Variants in CABLES1 observed in about 807,000 individuals in gnomAD.
The protein encoded by CABLES1 is CDK5 and ABL1 enzyme substrate 1.
CABLES1 carries 36 observed loss-of-function variants against 57.8 expected under a neutral mutation model. That is an observed-to-expected ratio of 0.62 (90% confidence interval 0.48 to 0.82). The LOEUF is 0.82. CABLES1 is among the 40% of genes least tolerant of loss of function. The pLI is 0.00. For synonymous variants in CABLES1, 374 were observed against 363.0 expected (o/e 1.03, Z -0.35); for missense variants, 767 against 836.6 (o/e 0.92, Z 1.03).
intron 4 of CABLES1, among the ~76,000 whole-genome samples, chr18:23,230,119 A>G (rs1215479465): frequency 6.6e-6 from 1 of 152,220 alleles, no homozygotes; most frequent in Non-Finnish European, 1.5e-5. Flanking sequence ...CACACCTGTA[A>G]TCCCAGCACT....
intron 9 of CABLES1, among the ~76,000 whole-genome samples, chr18:23,255,557 ATT>A (rs397858640): frequency 8.2e-4 from 109 of 132,436 alleles, no homozygotes; most frequent in African/African-American, 9.0e-4. Flanking sequence ...TGAACTAATG[ATT>A]TTTTTTTTTT....
intron 4 of CABLES1, among the ~76,000 whole-genome samples, chr18:23,231,293 A>C (rs2047565771): frequency 1.3e-5 from 2 of 152,254 alleles, no homozygotes; most frequent in Admixed American, 1.3e-4. Flanking sequence ...AATTAATTAA[A>C]ATTAAATAAA....
At chr18:23,152,769 G>A (rs1488588817) in intron 1 of CABLES1, among the ~76,000 whole-genome samples, 1 of 151,926 alleles carries the variant, frequency 6.6e-6, no homozygotes. Flanking sequence ...ATAGGCTCGA[G>A]CCACCATGCC....
intron 1 of CABLES1, among the ~76,000 whole-genome samples, chr18:23,153,600 G>T (rs1327555312): frequency 6.6e-6 from 1 of 152,022 alleles, no homozygotes; most frequent in Non-Finnish European, 1.5e-5. Flanking sequence ...CAGGCGTGGT[G>T]ACACATACCT....
chr18:23,184,276 T>C (rs1204458394), intron 1 of CABLES1, among the ~76,000 whole-genome samples: 1 of 151,974 alleles, frequency 6.6e-6, no homozygotes, highest in Non-Finnish European at 1.5e-5. Flanking sequence ...GAAGTGCCCA[T>C]GCGTGCTAAT....
chr18:23,153,336 C>T (rs1237178068), intron 1 of CABLES1, among the ~76,000 whole-genome samples: 1 of 149,988 alleles, frequency 6.7e-6, no homozygotes, highest in African/African-American at 2.5e-5. Context: ...GGGCTCAAGC[C>T]ATCTGCCTGC....
chr18:23,181,199 C>T (rs1297737775), intron 1 of CABLES1, among the ~76,000 whole-genome samples: 6 of 152,088 alleles, frequency 3.9e-5, no homozygotes, highest in African/African-American at 1.4e-4. Flanking sequence ...AAGAAAGCGG[C>T]CCTAGGCCAG....
intron 1 of CABLES1, among the ~76,000 whole-genome samples, chr18:23,170,170 A>T (rs2047072314): frequency 6.6e-6 from 1 of 152,200 alleles, no homozygotes. Flanking sequence ...CAGTTTCTCC[A>T]TCTGCAAAAG....
At chr18:23,231,045 A>G (rs969760386) in intron 4 of CABLES1, among the ~76,000 whole-genome samples, 16 of 152,178 alleles carry the variant, frequency 1.1e-4, no homozygotes, top group African/African-American at 3.9e-4. Flanking sequence ...CTTCCGACTT[A>G]GGAGAATCTT....
At position 23,203,562 on chromosome 18, in the gene CABLES1, C is replaced by A. The variant is rs149578848; in HGVS notation, c.1010+9022C>A. ...ACAGTGACTGAAGTCAAGCTGGAGC[C>A]TTTCCTTGTTGCACCAAAACATTTT... On this transcript the variant is annotated intron_variant, in intron 3 of 9. Transcript: ENST00000256925. Among the ~76,000 whole-genome samples the A allele has an allele frequency of 4.2e-3, 640 of 152,178 alleles. 3 individuals carry two copies. The highest frequency in any genetic ancestry group is 0.014 in the Middle Eastern group (4 of 294).
At chr18:23,206,719 A>G (rs1243613866) in intron 3 of CABLES1, among the ~76,000 whole-genome samples, 3 of 152,120 alleles carry the variant, frequency 2.0e-5, no homozygotes, top group African/African-American at 7.2e-5. Context: ...ATTTTTTTCA[A>G]TGACTTGCCT....
intron 1 of CABLES1, among the ~76,000 whole-genome samples, chr18:23,143,022 C>G (rs959686510): frequency 6.6e-6 from 1 of 152,216 alleles, no homozygotes; most frequent in Non-Finnish European, 1.5e-5. Flanking sequence ...GTCCTGTGCT[C>G]TGACCCACCT....
upstream of CABLES1, chr18:23,135,450 G>A: frequency 6.6e-6 from 1 of 152,428 alleles, no homozygotes; most frequent in East Asian, 1.9e-4. Flanking sequence ...CGGGGCGCGC[G>A]CACCTATAAA....
chr18:23,249,944 C>T (rs1027556291), intron 7 of CABLES1, among the ~76,000 whole-genome samples: 9 of 152,222 alleles, frequency 5.9e-5, no homozygotes, highest in East Asian at 1.9e-4. Flanking sequence ...CCCCTGCCTG[C>T]GGCTCACTCA....
intron 4 of CABLES1, among the ~76,000 whole-genome samples, chr18:23,223,876 G>A (rs1045307487): frequency 2.0e-5 from 3 of 152,108 alleles, no homozygotes; most frequent in South Asian, 2.1e-4. Context: ...TTGTGCCCAC[G>A]CCTTTCAAAT....
intron 3 of CABLES1, chr18:23,196,907 A>G (rs956250613): frequency 6.6e-5 from 10 of 152,404 alleles, no homozygotes; most frequent in Non-Finnish European, 1.5e-4. Context: ...TCTGCGGGCC[A>G]GATCCACGGC....
chr18:23,136,559 C>G lies in CABLES1; in HGVS notation c.797C>G (p.Pro266Arg), dbSNP rs775286667. The change falls in exon 1 of 10, where the codon CCA (proline) becomes CGA (arginine). Residue 266 changes from proline to arginine, a missense_variant. This residue lies in a region of CABLES1 where 529 missense variants were observed against 622.8 expected (regional missense o/e 0.85). Transcript: ENST00000256925. The stretch of plus-strand genomic sequence containing the variant: ...CAGAACTACTGCTCCCTGGAGCAGC[C>G]AGGCCAGGGCGGCAGCACCAGCGCC... The part of the protein sequence containing the change: ...TSQNYCSLEQ[P>R]GQGGSTSAFE... The G allele has an allele frequency of 6.5e-7, 1 of 1,531,852 alleles. No individual in the cohort carries two copies. Among genetic ancestry groups the G allele is most frequent in the Non-Finnish European group, 8.7e-7 (1 of 1,146,924 alleles). 94.9% of individuals were successfully genotyped at this position (1,531,852 alleles called of 1,614,324 possible).
At chr18:23,247,343 G>C (rs559241270) in intron 7 of CABLES1, among the ~76,000 whole-genome samples, 1 of 152,372 alleles carries the variant, frequency 6.6e-6, no homozygotes, top group East Asian at 1.9e-4. Context: ...TGCCTGGAAA[G>C]GGTGGCCCTG....
chr18:23,177,653 A>C (rs1265202628), intron 1 of CABLES1, among the ~76,000 whole-genome samples: 1 of 151,812 alleles, frequency 6.6e-6, no homozygotes. Flanking sequence ...CCTATGCCTC[A>C]CCGAGTCCCA....
Sources: gnomAD v4.1 joint callset for allele counts (sites outside exome capture counted in the v4.1 genomes callset) on GRCh38, gnomAD v4.1.1 for gene constraint, gnomAD v4.1.1 regional missense constraint, MANE v1.5 for transcripts, NCBI Gene and HGNC (gene_info 2026-07-23, HGNC 2026-07-21) for gene names.